Variants in PXK observed in about 807,000 individuals in gnomAD.
PXK encodes the protein PX domain containing serine/threonine kinase like, also known as PX domain-containing protein kinase-like protein.
In PXK, 35 loss-of-function variants were observed where a neutral mutation model predicts 84.7. The ratio of observed to expected loss-of-function variants is 0.41; its 90% CI spans 0.32 to 0.55. The LOEUF (loss-of-function observed/expected upper bound fraction) is 0.55, where lower values mean the gene tolerates loss of function less well. Among genes scored for constraint, PXK ranks in the 20% least tolerant of loss-of-function variants. The probability of loss-of-function intolerance (pLI) is 0.21; values close to 1 mark genes in which losing one functional copy is unlikely to be tolerated. For missense variants in PXK, 634 were observed against 699.7 expected, an observed-to-expected ratio of 0.91 and a Z score of 1.06; for synonymous variants, 253 against 260.8, an observed-to-expected ratio of 0.97 and a Z score of 0.29.
chr3:58,404,241 G>GTGTCA (rs2059045489), intron 13 of PXK, among the ~76,000 whole-genome samples: 1 of 152,196 alleles, frequency 6.6e-6, no homozygotes, highest in Admixed American at 6.5e-5. Flanking sequence ...GTGGTGTTAT[G>GTGTCA]TGTCATGGAA....
rs2058372894 is a variant in PXK at position 58,400,384 on chromosome 3, G to A, written c.1181+1007G>A. The stretch of plus-strand genomic sequence containing the variant: ...TCTGAAAACAATAATATGGGGAAAC[G>A]AGGCAGGGGACAGCTTGAAGGGCAT... On this transcript the variant is annotated intron_variant, in intron 12 of 17. Transcript: ENST00000356151. This position sits in a 1 kb window ranked among gnomAD's most constrained non-coding sequence, Gnocchi z 4.0. Among the ~76,000 whole-genome samples the A allele has an allele frequency of 6.6e-6, 1 of 152,090 alleles. No individual in the cohort carries two copies. Among genetic ancestry groups the A allele is most frequent in the Non-Finnish European group, 1.5e-5 (1 of 68,016 alleles).
chr3:58,391,762 C>A lies in PXK; in HGVS notation c.541-11C>A, dbSNP rs1403333273. ...AAAACAGTACCCTGATATTCCCTTC[C>A]ATGTTTTCAGGCTGACCTTGGCCCA... On this transcript the variant is annotated splice_polypyrimidine_tract_variant and intron_variant, in intron 6 of 17. Transcript: ENST00000356151. 6.2e-7 allele frequency: 1 copy of A among 1,610,020 alleles called. No homozygotes were observed. Among genetic ancestry groups the A allele is most frequent in the South Asian group, 1.1e-5 (1 of 90,968 alleles).
intron 1 of PXK, among the ~76,000 whole-genome samples, chr3:58,347,480 A>G (rs1196772892): frequency 6.6e-6 from 1 of 152,206 alleles, no homozygotes; most frequent in African/African-American, 2.4e-5. Context: ...CTATAAGTGG[A>G]ATCTTATACA....
At chr3:58,423,983 A>G (rs2062401966) in intron 17 of PXK, among the ~76,000 whole-genome samples, 2 of 152,174 alleles carry the variant, frequency 1.3e-5, no homozygotes, top group South Asian at 4.2e-4. Context: ...GCTTCGTCAA[A>G]GACATTTAGT....
chr3:58,342,370 C>T (rs569778951), intron 1 of PXK, among the ~76,000 whole-genome samples: 8 of 149,680 alleles, frequency 5.3e-5, no homozygotes, highest in East Asian at 1.9e-4. Flanking sequence ...AGGCCAGGCA[C>T]GGTGGCTCTT....
rs182242978 is a variant in PXK at position 58,390,230 on chromosome 3, A to G, written c.389-352A>G. 1.5e-4 allele frequency among the ~76,000 whole-genome samples: 23 copies of G among 152,128 alleles called. No homozygotes were observed. In the East Asian group the frequency reaches 4.5e-3, roughly 29 times the overall value. Reference sequence around the variant, plus strand: ...AGAAGTTGCAATGATAGTACAGAAAATTGCCATATACTTCTCACCCAGTTT... The same window carrying G: ...AGAAGTTGCAATGATAGTACAGAAAGTTGCCATATACTTCTCACCCAGTTT... On this transcript the variant is annotated intron_variant, in intron 4 of 17. Coordinates refer to ENST00000356151, the MANE Select transcript of PXK (RefSeq NM_017771.5). The surrounding 1 kb of genome is among the most constrained non-coding windows in gnomAD (Gnocchi z 4.2).
chr3:58,408,103 C>T (rs1158417433), intron 13 of PXK, among the ~76,000 whole-genome samples: 1 of 152,178 alleles, frequency 6.6e-6, no homozygotes. Context: ...ATCCAATTTT[C>T]CCAGCACTGT....
chr3:58,395,260 A>G (rs2057464155), intron 8 of PXK, among the ~76,000 whole-genome samples, 158 bp downstream of exon 8: 1 of 152,192 alleles, frequency 6.6e-6, no homozygotes, highest in South Asian at 2.1e-4. Context: ...TAAAAACTCT[A>G]CTTAGTTTGG....
In PXK at chr3:58,422,147, G is replaced by C. The variant is rs539718832; in HGVS notation, c.1529-2605G>C. On this transcript the variant is annotated intron_variant, in intron 17 of 17. Transcript: ENST00000356151. The stretch of plus-strand genomic sequence containing the variant: ...CCCCAACGGACCTTTCAGGAAGCTT[G>C]TGGACCATGGAAAGGGCCAAAAGGA... The C allele has an allele frequency of 7.1e-6, 7 of 985,370 alleles. No homozygotes were observed. In the East Asian group the frequency reaches 6.8e-4, roughly 96 times the overall value. 61.0% of individuals were successfully genotyped at this position (985,370 alleles called of 1,614,324 possible). A position where few individuals can be genotyped will look rare whatever the true frequency, so the allele number is the denominator to read the frequency against.
Position 58,395,051 on chromosome 3 carries a change from G to C in PXK, c.669G>C (p.Leu223Phe). 1 of 1,613,626 alleles carries C rather than the reference G, an allele frequency of 6.2e-7. No homozygotes were observed. The highest frequency in any genetic ancestry group is 8.5e-7 in the Non-Finnish European group (1 of 1,179,576). The change falls in exon 8 of 18, where the codon TTG becomes TTC. Residue 223 changes from leucine to phenylalanine, a missense_variant. By Grantham distance (22) the Leu-to-Phe change is conservative (BLOSUM62 0). Transcript: ENST00000356151. ...TFATANESSALLIRMFNEKGT... is the reference protein window; with the variant it reads ...TFATANESSAFLIRMFNEKGT... The stretch of plus-strand genomic sequence containing the variant: ...CCACAGCTAATGAATCCTCAGCGTT[G>C]CTAATTAGGATGTTTAACGAAAAGG...
chr3:58,355,741 C>T (rs535086816), intron 1 of PXK, among the ~76,000 whole-genome samples: 1 of 152,330 alleles, frequency 6.6e-6, no homozygotes, highest in African/African-American at 2.4e-5. Flanking sequence ...CCTCTGCACC[C>T]TCAGGTAAGA....
intron 1 of PXK, among the ~76,000 whole-genome samples, chr3:58,344,044 G>A (rs949103382): frequency 5.3e-5 from 8 of 152,060 alleles, no homozygotes; most frequent in Middle Eastern, 3.2e-3. Context: ...GTATATAATT[G>A]GGAAGAGCGA....
chr3:58,392,226 G>A (rs2098638322), intron 7 of PXK, among the ~76,000 whole-genome samples: 1 of 152,074 alleles, frequency 6.6e-6, no homozygotes, highest in Non-Finnish European at 1.5e-5. Context: ...TGAAGAAAAG[G>A]CAAAATAGCC....
At chr3:58,387,237 T>G (rs1001260046) in intron 4 of PXK, among the ~76,000 whole-genome samples, 3 of 152,312 alleles carry the variant, frequency 2.0e-5, no homozygotes, top group Middle Eastern at 3.4e-3. Flanking sequence ...ATGCAGTTTT[T>G]CCACATGTGT....
rs1270687136 is a variant in PXK, at chr3:58,401,018, CTA to C, written c.1181+1646_1181+1647del. On this transcript the variant is annotated intron_variant, in intron 12 of 17. Coordinates refer to ENST00000356151, the MANE Select transcript of PXK (RefSeq NM_017771.5). This position sits in a 1 kb window ranked among gnomAD's most constrained non-coding sequence, Gnocchi z 4.4. ...AATGCACTTGTACTTAGGAAATAGC[CTA>C]TATACAGGTTGATTTACTTGAGTTT... 6.6e-6 allele frequency among the ~76,000 whole-genome samples: 1 copy of C among 152,176 alleles called. No homozygotes were observed. The highest frequency in any genetic ancestry group is 1.9e-4 in the East Asian group (1 of 5,196).
intron 1 of PXK, among the ~76,000 whole-genome samples, chr3:58,358,956 A>T (rs745536285): frequency 6.6e-6 from 1 of 152,246 alleles, no homozygotes; most frequent in East Asian, 1.9e-4. Context: ...AATCTAAATT[A>T]TATCTATACA....
intron 2 of PXK, among the ~76,000 whole-genome samples, chr3:58,367,205 A>G (rs2098285216): frequency 6.6e-6 from 1 of 152,040 alleles, no homozygotes; most frequent in African/African-American, 2.4e-5. Context: ...ATAACAGAAG[A>G]CAGATTAATA....
In PXK at chr3:58,385,051, A is replaced by G. The variant is rs922063012; in HGVS notation, c.388+2351A>G. On this transcript the variant is annotated intron_variant, in intron 4 of 17. Transcript: ENST00000356151. The surrounding 1 kb of genome is among the most constrained non-coding windows in gnomAD (Gnocchi z 5.1). ...CTTTGTAACTCCTAGAAGGTTGTCT[A>G]TTCTGACAGTTGTTGGTTCTCTGCT... Among the ~76,000 whole-genome samples, 51 of 152,160 alleles carry G rather than the reference A, an allele frequency of 3.4e-4. No homozygotes were observed. Among genetic ancestry groups the G allele is most frequent in the African/African-American group, 1.2e-3 (48 of 41,430 alleles).
At chr3:58,423,469 G>T in intron 17 of PXK, 1 of 1,531,614 alleles carries the variant, frequency 6.5e-7, no homozygotes, top group Non-Finnish European at 8.8e-7. Context: ...AGCTGCCTTA[G>T]GTTTGAGTAA....
Sources: gnomAD v4.1 joint callset for allele counts (sites outside exome capture counted in the v4.1 genomes callset) on GRCh38, gnomAD v4.1.1 for gene constraint, Gnocchi (gnomAD v3.1) non-coding constraint, MANE v1.5 for transcripts, NCBI Gene and HGNC (gene_info 2026-07-23, HGNC 2026-07-21) for gene names.